Variants in QSER1 observed in about 807,000 individuals in gnomAD.
QSER1 encodes glutamine and serine-rich protein 1.
Under a neutral mutation model 158.5 loss-of-function variants are expected in QSER1, and 49 were observed. That is an observed-to-expected ratio of 0.31 (90% CI 0.25 to 0.39). The LOEUF is 0.39. QSER1 is among the 10% of genes least tolerant of loss of function. The pLI is 1.00. For synonymous variants in QSER1, 650 were observed against 715.5 expected (o/e 0.91, Z 1.46); for missense variants, 1,754 against 2,010.3 (o/e 0.87, Z 2.44).
intron 11 of QSER1, among the ~76,000 whole-genome samples, chr11:32,974,419 C>A (rs1307286394): frequency 2.7e-5 from 4 of 146,292 alleles, no homozygotes; most frequent in African/African-American, 1.0e-4. Flanking sequence ...GAATGAGACA[C>A]TGTCTCAAAA....
At chr11:32,921,756 A>G (rs565096517) in intron 1 of QSER1, among the ~76,000 whole-genome samples, 5 of 152,376 alleles carry the variant, frequency 3.3e-5, no homozygotes, top group African/African-American at 1.2e-4. Context: ...GAAATTGACA[A>G]GCTAACTCAA....
chr11:32,940,079 C>T (rs1370919594), intron 4 of QSER1, among the ~76,000 whole-genome samples: 1 of 151,824 alleles, frequency 6.6e-6, no homozygotes, highest in Non-Finnish European at 1.5e-5. Context: ...CTCTTGATGC[C>T]TTAGGGGCCT....
chr11:32,965,976 C>CACACACACACACACACACACAA, intron 8 of QSER1, among the ~76,000 whole-genome samples: 1 of 151,590 alleles, frequency 6.6e-6, no homozygotes, highest in East Asian at 1.9e-4. Flanking sequence ...CACACACACA[C>CACACACACACACACACACACAA]ACACACACAC....
At chr11:32,909,722 G>A (rs564644625) in intron 1 of QSER1, among the ~76,000 whole-genome samples, 43 of 152,246 alleles carry the variant, frequency 2.8e-4, no homozygotes, top group African/African-American at 9.4e-4. Flanking sequence ...GATTACAGGC[G>A]TGAGCCACTG....
chr11:32,973,731 T>G (rs1306842531), intron 11 of QSER1, among the ~76,000 whole-genome samples, 182 bp downstream of exon 11: 1 of 152,204 alleles, frequency 6.6e-6, no homozygotes, highest in Non-Finnish European at 1.5e-5. Context: ...TGTTTTTCTA[T>G]AGCACAGTAT....
At chr11:32,908,851 AT>A (rs1402646104) in intron 1 of QSER1, among the ~76,000 whole-genome samples, 5 of 152,130 alleles carry the variant, frequency 3.3e-5, no homozygotes, top group African/African-American at 1.2e-4. Flanking sequence ...TGGTTGTACC[AT>A]TTTGTATTCC....
chr11:32,956,830 T>C (rs931660937), intron 7 of QSER1, among the ~76,000 whole-genome samples: 1 of 152,180 alleles, frequency 6.6e-6, no homozygotes, highest in African/African-American at 2.4e-5. Flanking sequence ...GGCTGCAGTG[T>C]AGTGGCATGA....
chr11:32,947,976 A>T (rs1428761269), intron 4 of QSER1, among the ~76,000 whole-genome samples: 1 of 152,200 alleles, frequency 6.6e-6, no homozygotes, highest in Non-Finnish European at 1.5e-5. Flanking sequence ...GCGAAATACA[A>T]CCCACATGTG....
Position 32,933,944 on chromosome 11 carries a change from T to C in QSER1, c.2686T>C (p.Phe896Leu), listed in dbSNP as rs375892804. The change falls in exon 4 of 13, where the codon TTC (phenylalanine) becomes CTC (leucine). Residue 896 changes from phenylalanine to leucine, a missense_variant. By Grantham distance (22) the Phe-to-Leu change is conservative. Around this residue, in one of 2 missense-constraint regions of QSER1, gnomAD observed 1,707 missense variants for 1,919.6 expected, o/e 0.89. Transcript: ENST00000650167. ...AAGCCCTCAACAAATAGTACATCCC[T>C]TCCTTCAGATGGAAGGTCATGTTAT... ...VQSPQQIVHP[F>L]LQMEGHVIQS... The C allele has an allele frequency of 2.4e-5, 39 of 1,613,890 alleles. No homozygotes were observed. The highest frequency in any genetic ancestry group is 3.2e-5 in the Non-Finnish European group (38 of 1,179,972).
chr11:32,958,060 T>A lies in QSER1; in HGVS notation c.4943T>A (p.Ile1648Asn), dbSNP rs1457603592. 6.2e-7 allele frequency: 1 copy of A among 1,614,002 alleles called. No homozygotes were observed. The highest frequency in any genetic ancestry group is 8.5e-7 in the Non-Finnish European group (1 of 1,180,004). The change falls in exon 8 of 13, where the codon ATC becomes AAC. Residue 1648 changes from isoleucine to asparagine, a missense_variant. Ile to Asn is a moderately radical substitution (Grantham distance 149). Transcript: ENST00000650167. ...SSSQSDSSPE[I>N]HTSSSDDEEF... Reference sequence around the variant, plus strand: ...TCCCAATCTGACTCATCTCCTGAGATCCATACTAGTAGTAGTGACGATGAG... The same window carrying A: ...TCCCAATCTGACTCATCTCCTGAGAACCATACTAGTAGTAGTGACGATGAG...
At chr11:32,919,103 G>C (rs1178659370) in intron 1 of QSER1, among the ~76,000 whole-genome samples, 1 of 151,972 alleles carries the variant, frequency 6.6e-6, no homozygotes. Flanking sequence ...GTCTTTTTCT[G>C]TCTCCTCTTA....
At position 32,969,156 on chromosome 11, in the gene QSER1, G is replaced by C; in HGVS notation, c.5205+13G>C. On this transcript the variant is annotated intron_variant, in intron 10 of 12. Coordinates refer to ENST00000650167, the MANE Select transcript of QSER1 (RefSeq NM_001076786.3). ...TCAATCATTCAAGGTATTTCCTTCT[G>C]ATGACTTATTAGCAAAACTCAATGG... 1 of 1,487,514 alleles carries C rather than the reference G, an allele frequency of 6.7e-7. No individual in the cohort carries two copies. Among genetic ancestry groups the C allele is most frequent in the Non-Finnish European group, 9.3e-7 (1 of 1,077,398 alleles). The allele number at this position is 1,487,514 out of a possible 1,614,324, so 92.1% of individuals were successfully genotyped here. A position where few individuals can be genotyped will look rare whatever the true frequency, so the allele number is the denominator to read the frequency against.
Position 32,966,359 on chromosome 11 carries a change from A to G in QSER1, c.5029A>G (p.Thr1677Ala), listed in dbSNP as rs555722829. The change falls in exon 9 of 13, where the codon ACC becomes GCC. Residue 1677 changes from threonine to alanine, a missense_variant. Coordinates refer to ENST00000650167, the MANE Select transcript of QSER1 (RefSeq NM_001076786.3). The part of the protein sequence containing the change: ...RFLNTRAMKE[T>A]FKSYMELLVS... ...TTTGAACACAAGAGCAATGAAGGAA[A>G]CCTTTAAGAGCTACATGGAATTGCT... 3.1e-6 allele frequency: 5 copies of G among 1,614,076 alleles called. No homozygotes were observed. In the African/African-American group the frequency reaches 4.0e-5, roughly 13 times the overall value.
chr11:32,923,615 T>C (rs1284367002), intron 1 of QSER1, among the ~76,000 whole-genome samples: 1 of 144,682 alleles, frequency 6.9e-6, no homozygotes, highest in Non-Finnish European at 1.5e-5. Context: ...GAGGTGGAGG[T>C]TGTGGTGAGC....
At chr11:32,920,738 T>G (rs1421054967) in intron 1 of QSER1, among the ~76,000 whole-genome samples, 1 of 152,210 alleles carries the variant, frequency 6.6e-6, no homozygotes, top group Non-Finnish European at 1.5e-5. Context: ...ATGCAAGTGG[T>G]CAGTAAGCAC....
chr11:32,899,229 C>T (rs1851595355), intron 1 of QSER1, among the ~76,000 whole-genome samples: 1 of 152,150 alleles, frequency 6.6e-6, no homozygotes. Flanking sequence ...GTGCTTAATA[C>T]ATACTTATAT....
intron 1 of QSER1, among the ~76,000 whole-genome samples, chr11:32,906,546 G>A (rs1564926210): frequency 6.6e-6 from 1 of 152,072 alleles, no homozygotes; most frequent in South Asian, 2.1e-4. Flanking sequence ...CTACAGGTAT[G>A]TGCCACCATG....
In QSER1 at chr11:32,933,169, A is replaced by G; in HGVS notation, c.1911A>G (p.Ser637=). ...AAAATGTTCAGACTCAAGAGTCATC[A>G]TCTCCCCAGTCCCAGAAGTTTTTGC... is the stretch of plus-strand genomic sequence containing the variant. ...SSQNVQTQES[S]SPQSQKFLPA... Residue 637 remains serine, a synonymous_variant, in exon 4 of 13, where the codon TCA becomes TCG. Coordinates refer to ENST00000650167, the MANE Select transcript of QSER1 (RefSeq NM_001076786.3). The G allele has an allele frequency of 1.2e-6, 2 of 1,613,762 alleles. No individual in the cohort carries two copies. Among genetic ancestry groups the G allele is most frequent in the Non-Finnish European group, 1.7e-6 (2 of 1,179,898 alleles).
chr11:32,928,174 C>T, intron 3 of QSER1, 51 bp downstream of exon 3: 1 of 1,123,148 alleles, frequency 8.9e-7, no homozygotes, highest in Non-Finnish European at 1.4e-6. Flanking sequence ...GCTGATGAAA[C>T]ATATACATTT....
Sources: allele counts gnomAD v4.1 joint callset (sites outside exome capture counted in the v4.1 genomes callset), GRCh38; gene constraint gnomAD v4.1.1; regional missense constraint gnomAD v4.1.1; transcripts MANE v1.5; gene names NCBI Gene and HGNC (gene_info 2026-07-23, HGNC 2026-07-21).